Variants in ATF1 observed in about 807,000 individuals in gnomAD.
ATF1 encodes activating transcription factor 1, also known as cyclic AMP-dependent transcription factor ATF-1.
A neutral mutation model predicts 34.7 loss-of-function variants in ATF1; 16 were observed. The ratio of observed to expected loss-of-function variants is 0.46; its 90% CI spans 0.31 to 0.70. The LOEUF (loss-of-function observed/expected upper bound fraction) is 0.70. Among genes scored for constraint, ATF1 ranks in the 30% least tolerant of loss-of-function variants. The pLI, the probability that ATF1 is intolerant of heterozygous loss-of-function variation, is 0.05. For missense variants in ATF1, 255 were observed against 321.6 expected (o/e 0.79, Z 1.58); for synonymous variants, 105 against 113.1 (o/e 0.93, Z 0.46).
At chr12:50,784,123 A>G (rs999299247) in intron 2 of ATF1, among the ~76,000 whole-genome samples, 4 of 152,000 alleles carry the variant, frequency 2.6e-5, no homozygotes, top group Non-Finnish European at 5.9e-5. Flanking sequence ...TGATTGCACC[A>G]TTGCACTCCA....
chr12:50,771,905 C>G (rs2139637568), intron 1 of ATF1, among the ~76,000 whole-genome samples: 1 of 152,256 alleles, frequency 6.6e-6, no homozygotes, highest in South Asian at 2.1e-4. Context: ...AGGAAGTTAC[C>G]CTGTATGGTT....
intron 4 of ATF1, among the ~76,000 whole-genome samples, chr12:50,813,289 TAA>T (rs1941774891): frequency 6.6e-6 from 1 of 152,184 alleles, no homozygotes; most frequent in Admixed American, 6.5e-5. Flanking sequence ...ATCACTTAAG[TAA>T]ATATCTTAAT....
chr12:50,795,584 T>C lies in ATF1; in HGVS notation c.94-325T>C, dbSNP rs77284478. Reference sequence around the variant, plus strand: ...GTAATAAAACAACACTTTTAAGTAATGTGCATCAGTGTAGAAATAGGGTGG... The same window carrying C: ...GTAATAAAACAACACTTTTAAGTAACGTGCATCAGTGTAGAAATAGGGTGG... On this transcript the variant is annotated intron_variant, in intron 2 of 6. Coordinates refer to ENST00000262053, the MANE Select transcript of ATF1 (RefSeq NM_005171.5). 1.8e-3 allele frequency among the ~76,000 whole-genome samples: 281 copies of C among 152,156 alleles called. 6 individuals are homozygous for C. The East Asian group carries it at 0.046, about 25-fold the overall frequency.
chr12:50,778,231 T>C (rs888292565), intron 1 of ATF1, among the ~76,000 whole-genome samples: 1 of 140,662 alleles, frequency 7.1e-6, no homozygotes, highest in African/African-American at 2.6e-5. Context: ...AACCTTTTTT[T>C]TTTTTTTTTT....
intron 2 of ATF1, 43 bp downstream of exon 2, chr12:50,780,281 T>G: frequency 1.4e-6 from 2 of 1,445,128 alleles, no homozygotes; most frequent in Non-Finnish European, 1.9e-6. Context: ...GTTAGGAATA[T>G]TTTATATGCA....
At position 50,794,637 on chromosome 12, in the gene ATF1, G is replaced by A. The variant is rs180944695; in HGVS notation, c.94-1272G>A. 9.5e-4 allele frequency among the ~76,000 whole-genome samples: 144 copies of A among 151,530 alleles called. 1 individual carries two copies. The highest frequency in any genetic ancestry group is 3.1e-3 in the African/African-American group (130 of 41,334). On this transcript the variant is annotated intron_variant, in intron 2 of 6. Transcript: ENST00000262053. ...GACAAATGTTGGAAAGTTTTAATAC[G>A]CTTAAAAAATTGAGGCCAGACATGG...
rs1941790316 is a variant in ATF1 at position 50,814,038 on chromosome 12, G to A, written c.357G>A (p.Gln119=). The change falls in exon 5 of 7, where the codon CAG becomes CAA. Residue 119 remains glutamine, a synonymous_variant. Transcript: ENST00000262053. ...CCATTGCCCCAAATGGAGCCTTACA[G>A]TTGGCAAGTCCAGGCACAGATGGAG... ...YIAIAPNGAL[Q]LASPGTDGVQ... The A allele has an allele frequency of 6.2e-7, 1 of 1,613,692 alleles. No homozygotes were observed. The highest frequency in any genetic ancestry group is 1.3e-5 in the African/African-American group (1 of 74,886).
intron 2 of ATF1, among the ~76,000 whole-genome samples, chr12:50,792,032 T>C (rs1179074660): frequency 6.6e-6 from 1 of 152,178 alleles, no homozygotes; most frequent in African/African-American, 2.4e-5. Context: ...CTAAAGATTC[T>C]CCATGTTTTT....
chr12:50,778,381 G>A (rs779488273), intron 1 of ATF1, among the ~76,000 whole-genome samples: 9 of 150,402 alleles, frequency 6.0e-5, no homozygotes, highest in Non-Finnish European at 1.0e-4. Flanking sequence ...ACCTGCCCCC[G>A]TGCCGAGCTA....
rs570021963 is a variant in ATF1 at position 50,794,140 on chromosome 12, C to T, written c.94-1769C>T. Among the ~76,000 whole-genome samples the T allele has an allele frequency of 7.3e-5, 11 of 151,682 alleles. No individual in the cohort carries two copies. In the South Asian group the frequency reaches 2.1e-3, roughly 29 times the overall value. ...TAATTTTTTGTATTTTTAGTAGAGA[C>T]GGGGTTTCACCGTGTTAGCCAGGAT... On this transcript the variant is annotated intron_variant, in intron 2 of 6. Coordinates refer to ENST00000262053, the MANE Select transcript of ATF1 (RefSeq NM_005171.5).
At position 50,803,099 on chromosome 12, in the gene ATF1, A is replaced by G. The variant is rs183159518; in HGVS notation, c.195-6357A>G. On this transcript the variant is annotated intron_variant, in intron 3 of 6. Transcript: ENST00000262053. ...AACATGGTGAAACCCCGTCTCTACT[A>G]AAAAAAAAAAATACAAAAAATTAGT... 2.8e-3 allele frequency among the ~76,000 whole-genome samples: 390 copies of G among 140,008 alleles called. 1 individual carries two copies. The highest frequency in any genetic ancestry group is 0.028 in the Middle Eastern group (8 of 290). The allele number at this position is 140,008 out of a possible 152,430, so 91.9% of individuals were successfully genotyped here. A position where few individuals can be genotyped will look rare whatever the true frequency, so the allele number is the denominator to read the frequency against.
chr12:50,780,302 G>C, intron 2 of ATF1, 64 bp downstream of exon 2: 2 of 1,336,492 alleles, frequency 1.5e-6, no homozygotes, highest in Non-Finnish European at 2.1e-6. Context: ...GATTAATCTC[G>C]TTTCAGACTG....
chr12:50,803,269 A>C (rs975864214), intron 3 of ATF1, among the ~76,000 whole-genome samples: 3 of 62,164 alleles, frequency 4.8e-5, no homozygotes, highest in African/African-American at 1.7e-4. Context: ...ACTCTGTCTC[A>C]AAAAAAAAAA....
rs541469911 is a variant in ATF1 at position 50,814,862 on chromosome 12, G to T, written c.671+423G>T. ...TTAAAGTTAACTGTAGGCCAGGCAT[G>T]GTGGCTCACGCCTGTAATCCCAGCT... On this transcript the variant is annotated intron_variant, in intron 6 of 6. Coordinates refer to ENST00000262053, the MANE Select transcript of ATF1 (RefSeq NM_005171.5). Among the ~76,000 whole-genome samples the T allele has an allele frequency of 4.3e-4, 64 of 148,568 alleles. 1 individual carries two copies. Among genetic ancestry groups the T allele is most frequent in the African/African-American group, 1.5e-3 (60 of 40,378 alleles).
In ATF1 at chr12:50,795,084, T is replaced by G. The variant is rs563474333; in HGVS notation, c.94-825T>G. Among the ~76,000 whole-genome samples, 214 of 152,212 alleles carry G rather than the reference T, an allele frequency of 1.4e-3. 2 individuals carry two copies. The highest frequency in any genetic ancestry group is 2.2e-3 in the Non-Finnish European group (147 of 68,028). On this transcript the variant is annotated intron_variant, in intron 2 of 6. Coordinates refer to ENST00000262053, the MANE Select transcript of ATF1 (RefSeq NM_005171.5). ...ATTAACTTGTGAAATGAGATAAAAT[T>G]GAATCATACAGATTTTAAAATGGCA...
At chr12:50,802,495 A>G (rs1941531448) in intron 3 of ATF1, among the ~76,000 whole-genome samples, 1 of 152,212 alleles carries the variant, frequency 6.6e-6, no homozygotes, top group African/African-American at 2.4e-5. Flanking sequence ...ATTGCACTCC[A>G]GCCTGGGTGA....
intron 6 of ATF1, among the ~76,000 whole-genome samples, chr12:50,814,903 C>T (rs1941811716): frequency 1.3e-5 from 2 of 149,844 alleles, no homozygotes; most frequent in East Asian, 2.0e-4. Flanking sequence ...GGGCAGATCA[C>T]GAGGTCAGGA....
At position 50,813,997 on chromosome 12, in the gene ATF1, T is replaced by G; in HGVS notation, c.329-13T>G. 1 of 1,606,222 alleles carries G rather than the reference T, an allele frequency of 6.2e-7. No individual in the cohort carries two copies. The highest frequency in any genetic ancestry group is 8.5e-7 in the Non-Finnish European group (1 of 1,177,004). On this transcript the variant is annotated splice_polypyrimidine_tract_variant and intron_variant, in intron 4 of 6. Transcript: ENST00000262053. ...ATAACCTTACAATAGCTATTTTCTCTTTTTGATTAAAGTTGCCATTGCCCC... is the reference window on the plus strand; with the variant it reads ...ATAACCTTACAATAGCTATTTTCTCGTTTTGATTAAAGTTGCCATTGCCCC...
chr12:50,807,959 G>A lies in ATF1; in HGVS notation c.195-1497G>A, dbSNP rs542539469. 7.9e-5 allele frequency among the ~76,000 whole-genome samples: 12 copies of A among 152,080 alleles called. No individual in the cohort carries two copies. In the South Asian group the frequency reaches 2.5e-3, roughly 32 times the overall value. On this transcript the variant is annotated intron_variant, in intron 3 of 6. Transcript: ENST00000262053. ...CAAGTAGCTGGAATTACAGGCGTGA[G>A]CCACCATGCCCAGCTAATTTTTGCA...
Sources: allele counts gnomAD v4.1 joint callset (sites outside exome capture counted in the v4.1 genomes callset), GRCh38; gene constraint gnomAD v4.1.1; transcripts MANE v1.5; gene names NCBI Gene and HGNC (gene_info 2026-07-23, HGNC 2026-07-21).